Variants in ASIC2 observed in about 807,000 individuals in gnomAD.
The protein encoded by ASIC2 is acid sensing ion channel subunit 2.
ASIC2 carries 25 observed loss-of-function variants against 57.3 expected under a neutral mutation model. That is an observed-to-expected ratio of 0.44 (90% CI 0.32 to 0.61). ASIC2 has a LOEUF of 0.61. Among genes scored for constraint, ASIC2 ranks in the 20% least tolerant of loss-of-function variants. The probability of loss-of-function intolerance (pLI) is 0.06; values close to 1 mark genes in which losing one functional copy is unlikely to be tolerated. For missense variants in ASIC2, 641 were observed against 738.1 expected, an observed-to-expected ratio of 0.87 and a Z score of 1.52; for synonymous variants, 319 against 307.5, an observed-to-expected ratio of 1.04 and a Z score of -0.39.
intron 1 of ASIC2, among the ~76,000 whole-genome samples, chr17:33,547,770 C>T (rs975177559): frequency 3.9e-5 from 6 of 152,198 alleles, no homozygotes; most frequent in African/African-American, 1.4e-4. Context: ...TCTGAGAACC[C>T]CCAGTCCCCT....
intron 1 of ASIC2, among the ~76,000 whole-genome samples, chr17:33,596,444 G>A (rs917972619): frequency 3.3e-5 from 5 of 152,118 alleles, no homozygotes; most frequent in Admixed American, 3.3e-4. Flanking sequence ...GATATAACGG[G>A]GGAGAAAAGG....
At position 33,760,535 on chromosome 17, in the gene ASIC2, T is replaced by C. The variant is rs57429893; in HGVS notation, c.555+395443A>G. On this transcript the variant is annotated intron_variant, in intron 1 of 9. Transcript: ENST00000359872. ...AAAGCTATATATGTGTGTGTGTGTG[T>C]GCCATAGATTTATATATAAACAAAC... is the stretch of plus-strand genomic sequence containing the variant. Among the ~76,000 whole-genome samples the C allele has an allele frequency of 5.6e-3, 858 of 152,020 alleles. 21 individuals are homozygous for C. In the East Asian group the frequency reaches 0.057, roughly 10 times the overall value.
At chr17:33,818,427 T>C (rs189114470) in intron 1 of ASIC2, among the ~76,000 whole-genome samples, 129 of 152,286 alleles carry the variant, frequency 8.5e-4, no homozygotes, top group Admixed American at 1.4e-3. Context: ...GCAAGATCCA[T>C]GGTTCAGAAG....
chr17:33,021,393 A>C, intron 6 of ASIC2, 83 bp from the exon 7 acceptor site: 2 of 1,174,802 alleles, frequency 1.7e-6, no homozygotes, highest in Non-Finnish European at 2.4e-6. Context: ...TCCCATGGAA[A>C]GATGGAGAAA....
intron 1 of ASIC2, among the ~76,000 whole-genome samples, chr17:33,356,409 C>T (rs922164868): frequency 5.3e-5 from 8 of 152,132 alleles, no homozygotes; most frequent in African/African-American, 1.7e-4. Flanking sequence ...CCCTGAACCA[C>T]CTCCAGATTC....
rs116559184 is a variant in ASIC2 at position 33,934,771 on chromosome 17, C to T, written c.555+221207G>A. Among the ~76,000 whole-genome samples the T allele has an allele frequency of 6.2e-3, 937 of 152,346 alleles. 11 individuals carry two copies. The highest frequency in any genetic ancestry group is 0.022 in the African/African-American group (901 of 41,570). ...AGCCTATCTCCAACACACTTGCATA[C>T]ACCCACATGGGTGCCCATACATGCA... On this transcript the variant is annotated intron_variant, in intron 1 of 9. Coordinates refer to the ASIC2 transcript ENST00000359872.
chr17:33,053,040 A>G, intron 3 of ASIC2, among the ~76,000 whole-genome samples: 1 of 152,340 alleles, frequency 6.6e-6, no homozygotes, highest in East Asian at 1.9e-4. Flanking sequence ...AGAACCGCCC[A>G]AATGCCAACT....
intron 1 of ASIC2, among the ~76,000 whole-genome samples, chr17:34,008,005 G>A (rs1906586082): frequency 6.6e-6 from 1 of 152,146 alleles, no homozygotes; most frequent in South Asian, 2.1e-4. Flanking sequence ...TTCTAAATAG[G>A]TAAATCATTA....
At chr17:33,413,863 T>C (rs1910745915) in intron 1 of ASIC2, among the ~76,000 whole-genome samples, 1 of 152,224 alleles carries the variant, frequency 6.6e-6, no homozygotes, top group Non-Finnish European at 1.5e-5. Context: ...CGGGTTATTT[T>C]AGGGGTTTGT....
At chr17:34,015,818 A>C (rs1432553691) in intron 1 of ASIC2, among the ~76,000 whole-genome samples, 2 of 152,266 alleles carry the variant, frequency 1.3e-5, no homozygotes, top group Non-Finnish European at 2.9e-5. Flanking sequence ...CAAACAAACA[A>C]AACATTTTAC....
intron 1 of ASIC2, among the ~76,000 whole-genome samples, chr17:34,078,373 A>G (rs558628417): frequency 1.3e-5 from 2 of 152,212 alleles, no homozygotes; most frequent in South Asian, 4.2e-4. Flanking sequence ...GAAAGTAAAC[A>G]CAGCTGAGCC....
chr17:33,038,709 G>T (rs1263729010), intron 3 of ASIC2, among the ~76,000 whole-genome samples: 1 of 152,224 alleles, frequency 6.6e-6, no homozygotes, highest in African/African-American at 2.4e-5. Flanking sequence ...TTGCTCCACT[G>T]TCTGGAGCTT....
chr17:33,867,753 G>C (rs1300471476), intron 1 of ASIC2, among the ~76,000 whole-genome samples: 2 of 152,200 alleles, frequency 1.3e-5, no homozygotes, highest in Non-Finnish European at 2.9e-5. Context: ...GGCTTCTGCT[G>C]TCACAGGTAG....
At chr17:33,026,995 T>A (rs1005872403) in intron 4 of ASIC2, among the ~76,000 whole-genome samples, 1 of 152,168 alleles carries the variant, frequency 6.6e-6, no homozygotes, top group Admixed American at 6.5e-5. Context: ...TATTATTATG[T>A]TACAGTTTAG....
chr17:33,533,279 G>GAGGTGGC (rs1338787877), intron 1 of ASIC2, among the ~76,000 whole-genome samples: 1 of 152,054 alleles, frequency 6.6e-6, no homozygotes. Context: ...TCAGGAGGCA[G>GAGGTGGC]AGGTGGCAGT....
intron 1 of ASIC2, among the ~76,000 whole-genome samples, chr17:33,396,061 T>C (rs892543457): frequency 2.0e-5 from 3 of 152,176 alleles, no homozygotes; most frequent in Admixed American, 6.5e-5. Context: ...GAGGAGAATA[T>C]CAGATTTTCC....
At position 33,899,370 on chromosome 17, in the gene ASIC2, C is replaced by T. The variant is rs557046931; in HGVS notation, c.555+256608G>A. ...TGTGAGTACCATGCTAACTTAGTTT[C>T]TTCCAATCTGTGGCCACTTCTCTCT... On this transcript the variant is annotated intron_variant, in intron 1 of 9. Transcript: ENST00000359872. 2.6e-5 allele frequency among the ~76,000 whole-genome samples: 4 copies of T among 152,242 alleles called. No individual in the cohort carries two copies. The South Asian group carries it at 8.3e-4, about 32-fold the overall frequency.
intron 1 of ASIC2, among the ~76,000 whole-genome samples, chr17:33,577,528 C>T (rs963615886): frequency 2.0e-5 from 3 of 152,138 alleles, no homozygotes; most frequent in African/African-American, 7.2e-5. Flanking sequence ...CAACCTGGCA[C>T]AGCATTAGTA....
chr17:33,102,933 A>AC (rs1012292201), intron 2 of ASIC2, among the ~76,000 whole-genome samples: 4 of 151,922 alleles, frequency 2.6e-5, no homozygotes, highest in Non-Finnish European at 5.9e-5. Context: ...ACAGGCGCCC[A>AC]CCACCACGCC....
Sources: allele counts gnomAD v4.1 joint callset (sites outside exome capture counted in the v4.1 genomes callset), GRCh38; gene constraint gnomAD v4.1.1; transcripts MANE v1.5; gene names NCBI Gene and HGNC (gene_info 2026-07-23, HGNC 2026-07-21).